CSMD2: variants seen among roughly 807,000 people sequenced by gnomAD.
CSMD2 encodes CUB and sushi domain-containing protein 2.
A neutral mutation model predicts 398.5 loss-of-function variants in CSMD2; 130 were observed. The observed-to-expected ratio is 0.33, with a 90% CI of 0.28 to 0.38. CSMD2 has a LOEUF of 0.38. Among genes scored for constraint, CSMD2 ranks in the 10% least tolerant of loss-of-function variants. The probability of loss-of-function intolerance (pLI) is 1.00; values close to 1 mark genes in which losing one functional copy is unlikely to be tolerated. For missense variants in CSMD2, 3,829 were observed against 4,764.9 expected (o/e 0.80, Z 5.78); for synonymous variants, 1,828 against 1,908.5 (o/e 0.96, Z 1.10).
chr1:33,992,792 G>T (rs527421041), intron 3 of CSMD2, among the ~76,000 whole-genome samples: 20 of 151,416 alleles, frequency 1.3e-4, no homozygotes, highest in Non-Finnish European at 2.2e-4. Context: ...CAGGAGAATG[G>T]TGTGAACCCG....
At chr1:33,718,169 C>T (rs1646235452) in intron 19 of CSMD2, among the ~76,000 whole-genome samples, 1 of 152,194 alleles carries the variant, frequency 6.6e-6, no homozygotes, top group Admixed American at 6.5e-5. Flanking sequence ...AATCCGATTG[C>T]AGAGGCTGTG....
intron 3 of CSMD2, among the ~76,000 whole-genome samples, chr1:33,992,434 C>G (rs930603809): frequency 5.9e-5 from 9 of 151,912 alleles, no homozygotes; most frequent in African/African-American, 2.2e-4. Context: ...TCTTGAACTC[C>G]TGGGCTCAAG....
chr1:33,881,988 A>G (rs1641268614), intron 5 of CSMD2, among the ~76,000 whole-genome samples: 1 of 152,168 alleles, frequency 6.6e-6, no homozygotes, highest in South Asian at 2.1e-4. Flanking sequence ...TTTCCCCATT[A>G]TAATAAATAA....
intron 5 of CSMD2, among the ~76,000 whole-genome samples, chr1:33,895,474 G>A (rs1642319877): frequency 2.0e-5 from 3 of 152,154 alleles, no homozygotes; most frequent in African/African-American, 7.2e-5. Flanking sequence ...GGGATGTATG[G>A]TGGATGAAGT....
chr1:33,967,693 G>C (rs1570661090), intron 3 of CSMD2, among the ~76,000 whole-genome samples: 2 of 152,336 alleles, frequency 1.3e-5, no homozygotes, highest in African/African-American at 4.8e-5. Flanking sequence ...TTCCCGATGA[G>C]AGTAGGGCCA....
Position 34,032,636 on chromosome 1 carries a change from C to T in CSMD2, c.475G>A (p.Asp159Asn), listed in dbSNP as rs1470484198. Residue 159 changes from aspartate (D) to asparagine (N), a missense_variant, in exon 3 of 71, where the codon GAC becomes AAC. By Grantham distance (23) the Asp-to-Asn change is conservative. This residue lies in a region of CSMD2 where 184 missense variants were observed against 217.7 expected (regional missense o/e 0.85). Coordinates refer to ENST00000373381, the MANE Select transcript of CSMD2 (RefSeq NM_001281956.2). ...ATTLSLRLIS[D>N]YAVSAQGFHA... is the part of the protein sequence containing the mutation. ...AAGCCTTGGGCACTGACTGCATAGT[C>T]GCTGATGAGGCGCAGAGAGAGGGTG... 3 of 1,601,610 alleles carry T rather than the reference C, an allele frequency of 1.9e-6. No individual in the cohort carries two copies. Among genetic ancestry groups the T allele is most frequent in the Non-Finnish European group, 2.6e-6 (3 of 1,174,430 alleles).
At chr1:33,556,671 C>T (rs1557530337) in intron 55 of CSMD2, among the ~76,000 whole-genome samples, 1 of 152,246 alleles carries the variant, frequency 6.6e-6, no homozygotes, top group East Asian at 1.9e-4. Flanking sequence ...CCCACCCAAA[C>T]CACATCTTGA....
intron 3 of CSMD2, among the ~76,000 whole-genome samples, chr1:34,008,795 G>GGT (rs1647145860): frequency 6.6e-6 from 1 of 152,074 alleles, no homozygotes; most frequent in African/African-American, 2.4e-5. Flanking sequence ...ATGAGGACAG[G>GGT]GTGTGTGTTG....
chr1:33,745,259 A>G (rs867534559), intron 13 of CSMD2, among the ~76,000 whole-genome samples: 3 of 152,306 alleles, frequency 2.0e-5, no homozygotes, highest in Middle Eastern at 3.4e-3. Flanking sequence ...TAAGCCCCCA[A>G]ATAAAAACTA....
intron 12 of CSMD2, among the ~76,000 whole-genome samples, chr1:33,779,924 G>C (rs554315712): frequency 3.3e-5 from 5 of 152,300 alleles, no homozygotes; most frequent in African/African-American, 1.2e-4. Flanking sequence ...GGATGGAGGA[G>C]AGGATGGAAG....
At chr1:33,787,712 T>C (rs1653703648) in intron 12 of CSMD2, among the ~76,000 whole-genome samples, 1 of 152,302 alleles carries the variant, frequency 6.6e-6, no homozygotes, top group African/African-American at 2.4e-5. Flanking sequence ...CAGTAACTTG[T>C]GGATGGCTTC....
At chr1:33,554,152 T>C (rs909102198) in intron 55 of CSMD2, among the ~76,000 whole-genome samples, 1 of 149,534 alleles carries the variant, frequency 6.7e-6, no homozygotes, top group Non-Finnish European at 1.5e-5. Context: ...GTGGCTACTC[T>C]AAACAACAGA....
chr1:33,935,276 G>A (rs138203140), intron 4 of CSMD2, among the ~76,000 whole-genome samples: 71 of 152,162 alleles, frequency 4.7e-4, no homozygotes, highest in African/African-American at 1.5e-3. Context: ...TCTGGGGGAG[G>A]GGGTTGTTGG....
chr1:33,770,934 C>A (rs546130397), intron 13 of CSMD2, among the ~76,000 whole-genome samples: 85 of 152,348 alleles, frequency 5.6e-4, no homozygotes, highest in African/African-American at 1.9e-3. Flanking sequence ...ATGTTATAAA[C>A]CTGCTCCTAA....
chr1:33,517,701 C>T (rs1011618408), intron 70 of CSMD2, among the ~76,000 whole-genome samples: 9 of 152,114 alleles, frequency 5.9e-5, no homozygotes, highest in African/African-American at 1.2e-4. Flanking sequence ...TTTGGAGAGA[C>T]GTAAAAAGAT....
intron 4 of CSMD2, among the ~76,000 whole-genome samples, chr1:33,925,071 ATTTGTGTT>A (rs1384241667): frequency 6.6e-6 from 1 of 151,878 alleles, no homozygotes; most frequent in African/African-American, 2.4e-5. Flanking sequence ...CCATTTGTCT[ATTTGTGTT>A]TTTGTTGCCT....
At chr1:34,101,594 G>A (rs1558388705) in intron 1 of CSMD2, among the ~76,000 whole-genome samples, 1 of 152,146 alleles carries the variant, frequency 6.6e-6, no homozygotes, top group East Asian at 1.9e-4. Flanking sequence ...CAAAAAATGT[G>A]ATCTCATTTT....
Position 33,600,985 on chromosome 1 carries a change from G to T in CSMD2, c.6736C>A (p.Arg2246=). The T allele has an allele frequency of 1.2e-6, 2 of 1,614,186 alleles. No individual in the cohort carries two copies. Among genetic ancestry groups the T allele is most frequent in the East Asian group, 2.2e-5 (1 of 44,880 alleles). The part of the protein sequence containing the change: ...IWDGPQQTAP[R]LGVFTRSMAK... ...ATGCTCCGGGTGAAGACGCCGAGCC[G>T]TGGTGCTGTTTGCTGTGGCCCATCC... The change falls in exon 44 of 71, where the codon CGG becomes AGG. Residue 2246 remains arginine, a synonymous_variant. Transcript: ENST00000373381.
intron 25 of CSMD2, among the ~76,000 whole-genome samples, chr1:33,683,865 T>G (rs910634365): frequency 2.6e-5 from 4 of 152,222 alleles, no homozygotes; most frequent in Admixed American, 2.6e-4. Flanking sequence ...GTTCAGTTCC[T>G]TTAGGAGATC....
Sources: gnomAD v4.1 joint callset for allele counts (sites outside exome capture counted in the v4.1 genomes callset) on GRCh38, gnomAD v4.1.1 for gene constraint, gnomAD v4.1.1 regional missense constraint, MANE v1.5 for transcripts, NCBI Gene and HGNC (gene_info 2026-07-23, HGNC 2026-07-21) for gene names.